Variants in GAS7 observed in about 807,000 individuals in gnomAD.
GAS7 encodes growth arrest-specific protein 7.
A neutral mutation model predicts 71.1 loss-of-function variants in GAS7; 28 were observed. The observed-to-expected ratio is 0.39, with a 90% CI of 0.29 to 0.54. GAS7 has a LOEUF of 0.54. GAS7 is among the 20% of genes least tolerant of loss of function. GAS7 has a pLI of 0.62. For missense variants in GAS7, 436 were observed against 627.8 expected (o/e 0.69, Z 3.27); for synonymous variants, 258 against 245.8 (o/e 1.05, Z -0.46).
intron 1 of GAS7, among the ~76,000 whole-genome samples, chr17:10,098,932 G>A (rs1418534637): frequency 6.6e-6 from 1 of 152,186 alleles, no homozygotes; most frequent in Non-Finnish European, 1.5e-5. Context: ...CTCCAGCCTG[G>A]ATGACAGAGC....
chr17:9,967,383 G>A (rs1436118609), intron 4 of GAS7, among the ~76,000 whole-genome samples: 6 of 151,384 alleles, frequency 4.0e-5, no homozygotes, highest in Admixed American at 1.3e-4. Context: ...GATACTCAGC[G>A]TCATCCCTGG....
chr17:10,058,408 C>G (rs993466408), intron 1 of GAS7, among the ~76,000 whole-genome samples: 2 of 151,482 alleles, frequency 1.3e-5, no homozygotes, highest in African/African-American at 4.9e-5. Flanking sequence ...ACCGAAATCA[C>G]GCCACTGCAC....
chr17:9,940,179 A>T lies in GAS7; in HGVS notation c.753T>A (p.Tyr251Ter). 1 of 1,613,006 alleles carries T rather than the reference A, an allele frequency of 6.2e-7. No homozygotes were observed. The highest frequency in any genetic ancestry group is 8.5e-7 in the Non-Finnish European group (1 of 1,178,948). Residue 251 changes from tyrosine (Y) to a stop codon, truncating the protein, a stop_gained, in exon 8 of 14, where the codon TAT becomes TAA. Coordinates refer to ENST00000432992, the MANE Select transcript of GAS7 (RefSeq NM_201433.2). LOFTEE classifies it high-confidence loss of function. Reference sequence around the variant, plus strand: ...GAGAGAGCTTAGCTAAGTTCTTCGCATAGTCTTCTTCAATCTTTATCCTGC... The same window carrying T: ...GAGAGAGCTTAGCTAAGTTCTTCGCTTAGTCTTCTTCAATCTTTATCCTGC... The part of the protein sequence containing the change: ...IRERIKIEED[Y>*]AKNLAKLSQN...
intron 1 of GAS7, among the ~76,000 whole-genome samples, chr17:10,163,267 C>T (rs1313651737): frequency 2.6e-5 from 4 of 151,980 alleles, no homozygotes; most frequent in Non-Finnish European, 2.9e-5. Flanking sequence ...TGCGCCAACA[C>T]GCCCGCTAAT....
intron 1 of GAS7, among the ~76,000 whole-genome samples, chr17:10,073,174 C>T (rs986739001): frequency 6.6e-6 from 1 of 152,204 alleles, no homozygotes; most frequent in East Asian, 1.9e-4. Context: ...CAGATGAGGG[C>T]TTCCCAGGAC....
chr17:10,152,774 G>T (rs1417450323), intron 1 of GAS7, among the ~76,000 whole-genome samples: 1 of 152,148 alleles, frequency 6.6e-6, no homozygotes, highest in Non-Finnish European at 1.5e-5. Context: ...GGAAGACAAG[G>T]CCCTGAGAGC....
At position 10,103,187 on chromosome 17, in the gene GAS7, T is replaced by C. The variant is rs183329733; in HGVS notation, c.184-83290A>G. On this transcript the variant is annotated intron_variant, in intron 1 of 13. Coordinates refer to ENST00000432992, the MANE Select transcript of GAS7 (RefSeq NM_201433.2). The surrounding 1 kb of genome is among the most constrained non-coding windows in gnomAD (Gnocchi z 5.5). ...GGGCAATATGGCAAAACCCCTCCTC[T>C]AAAAAAATTAGCCAGGCGTGGTGGT... Among the ~76,000 whole-genome samples, 4 of 151,770 alleles carry C rather than the reference T, an allele frequency of 2.6e-5. No individual in the cohort carries two copies. The highest frequency in any genetic ancestry group is 9.7e-5 in the African/African-American group (4 of 41,438).
intron 1 of GAS7, among the ~76,000 whole-genome samples, chr17:10,116,855 ATGATCCAGTTTTGC>A (rs930221042): frequency 6.6e-6 from 1 of 152,062 alleles, no homozygotes; most frequent in Admixed American, 6.6e-5. Context: ...AGACAGGTCA[ATGATCCAGTTTTGC>A]TGGAAGGTGA....
At chr17:10,049,151 T>C (rs149442427) in intron 1 of GAS7, among the ~76,000 whole-genome samples, 1 of 152,344 alleles carries the variant, frequency 6.6e-6, no homozygotes, top group East Asian at 1.9e-4. Flanking sequence ...ACAAGAAGTC[T>C]TTGTTTTTCG....
At chr17:10,097,942 G>A (rs2073659192) in intron 1 of GAS7, among the ~76,000 whole-genome samples, 1 of 151,946 alleles carries the variant, frequency 6.6e-6, no homozygotes, top group African/African-American at 2.4e-5. Context: ...TATTTGGGAG[G>A]CTGAGACAGG....
intron 2 of GAS7, among the ~76,000 whole-genome samples, chr17:10,015,456 TA>T (rs2152197802): frequency 6.6e-6 from 1 of 152,212 alleles, no homozygotes; most frequent in African/African-American, 2.4e-5. Context: ...CAAAGATGCT[TA>T]AGCAAGGGGC....
At chr17:10,183,061 C>T (rs995379354) in intron 1 of GAS7, among the ~76,000 whole-genome samples, 1 of 152,040 alleles carries the variant, frequency 6.6e-6, no homozygotes, top group African/African-American at 2.4e-5. Context: ...TTCAAATAAA[C>T]TAGCAATGGC....
intron 3 of GAS7, among the ~76,000 whole-genome samples, chr17:9,978,274 C>T (rs1319584978): frequency 6.6e-6 from 1 of 151,130 alleles, no homozygotes; most frequent in Admixed American, 6.6e-5. Flanking sequence ...TATCTCTCTC[C>T]AGGCCCTCAA....
intron 1 of GAS7, among the ~76,000 whole-genome samples, chr17:10,048,542 A>G (rs1180108569): frequency 6.6e-6 from 1 of 152,210 alleles, no homozygotes; most frequent in Non-Finnish European, 1.5e-5. Context: ...GCTAGAAGAC[A>G]AACCCCACTG....
chr17:9,969,627 A>T lies in GAS7; in HGVS notation c.471+50T>A. The T allele has an allele frequency of 9.1e-7, 1 of 1,104,472 alleles. No individual in the cohort carries two copies. The highest frequency in any genetic ancestry group is 1.4e-6 in the Non-Finnish European group (1 of 716,338). The allele number at this position is 1,104,472 out of a possible 1,614,324, so 68.4% of individuals were successfully genotyped here. ...GATGGACTTTGTAATGCAGTTTCCTAGGCCTGCAGAAGCAGTGACCGCTAT... is the reference window on the plus strand; with the variant it reads ...GATGGACTTTGTAATGCAGTTTCCTTGGCCTGCAGAAGCAGTGACCGCTAT... On this transcript the variant is annotated intron_variant, in intron 4 of 13. Coordinates refer to ENST00000432992, the MANE Select transcript of GAS7 (RefSeq NM_201433.2). This position sits in a 1 kb window ranked among gnomAD's most constrained non-coding sequence, Gnocchi z 5.5.
rs936116006 is a variant in GAS7, at chr17:9,934,090, G to A, written c.885+76C>T. On this transcript the variant is annotated intron_variant, in intron 9 of 13. Transcript: ENST00000432992. ...CAGGGAAAATGGCAAACGGCAAACTGGAGAGACAGTTGTTAACTATTTTTT... is the reference window on the plus strand; with the variant it reads ...CAGGGAAAATGGCAAACGGCAAACTAGAGAGACAGTTGTTAACTATTTTTT... 7.2e-5 allele frequency: 71 copies of A among 980,178 alleles called. 1 individual carries two copies. The highest frequency in any genetic ancestry group is 1.7e-4 in the Admixed American group (10 of 58,682). 60.7% of individuals were successfully genotyped at this position (980,178 alleles called of 1,614,324 possible).
chr17:9,944,655 G>T (rs740056), intron 6 of GAS7, among the ~76,000 whole-genome samples: 45,789 of 152,004 alleles, frequency 0.3, 7,122 homozygotes, highest in African/African-American at 0.33. Flanking sequence ...TAACTCAAAG[G>T]CCTCCGGCCA....
At chr17:9,957,528 G>C (rs1331779929) in intron 5 of GAS7, among the ~76,000 whole-genome samples, 1 of 152,160 alleles carries the variant, frequency 6.6e-6, no homozygotes, top group Non-Finnish European at 1.5e-5. Flanking sequence ...TTTTCACTTT[G>C]CATTTTTGTT....
chr17:9,990,259 A>C (rs1332510827), intron 2 of GAS7, among the ~76,000 whole-genome samples: 1 of 151,366 alleles, frequency 6.6e-6, no homozygotes, highest in Non-Finnish European at 1.5e-5. Context: ...ACAGAGCGAG[A>C]CTCCATCTCA....
Sources: allele counts gnomAD v4.1 joint callset (sites outside exome capture counted in the v4.1 genomes callset), GRCh38; gene constraint gnomAD v4.1.1; non-coding constraint Gnocchi (gnomAD v3.1); transcripts MANE v1.5; gene names NCBI Gene and HGNC (gene_info 2026-07-23, HGNC 2026-07-21).